Variants in COL13A1 observed in about 807,000 individuals in gnomAD.
COL13A1 encodes collagen type XIII alpha 1 chain, also known as collagen alpha-1(XIII) chain.
COL13A1 carries 89 observed loss-of-function variants against 130.9 expected under a neutral mutation model. The observed-to-expected ratio is 0.68, with a 90% CI of 0.57 to 0.81. The LOEUF (loss-of-function observed/expected upper bound fraction) is 0.81. COL13A1 is among the 30% of genes least tolerant of loss of function. The probability of loss-of-function intolerance (pLI) is 0.00; values close to 1 mark genes in which losing one functional copy is unlikely to be tolerated. For missense variants in COL13A1, 879 were observed against 934.6 expected (o/e 0.94, Z 0.78); for synonymous variants, 402 against 341.6 (o/e 1.18, Z -1.95).
chr10:69,825,767 C>T (rs1408088086), intron 2 of COL13A1, among the ~76,000 whole-genome samples: 5 of 152,230 alleles, frequency 3.3e-5, no homozygotes. Flanking sequence ...GCCTGGGACA[C>T]ATAATCATGG....
At chr10:69,852,476 G>A (rs1168129279) in intron 2 of COL13A1, among the ~76,000 whole-genome samples, 1 of 152,258 alleles carries the variant, frequency 6.6e-6, no homozygotes, top group Non-Finnish European at 1.5e-5. Flanking sequence ...AGGTGGACTT[G>A]CCCAAGCTCG....
chr10:69,825,592 G>A (rs182561730), intron 2 of COL13A1, among the ~76,000 whole-genome samples: 50 of 152,238 alleles, frequency 3.3e-4, no homozygotes, highest in African/African-American at 1.1e-3. Context: ...TACTGCTATT[G>A]GGACAAAACA....
intron 4 of COL13A1, 67 bp downstream of exon 4, chr10:69,872,277 G>A (rs752248550): frequency 3.2e-6 from 5 of 1,586,712 alleles, no homozygotes; most frequent in Non-Finnish European, 4.3e-6. Flanking sequence ...CTGAGGACTG[G>A]CTAGGTTGGG....
intron 3 of COL13A1, among the ~76,000 whole-genome samples, chr10:69,868,780 C>T (rs1338533838): frequency 1.3e-5 from 2 of 152,320 alleles, no homozygotes; most frequent in South Asian, 2.1e-4. Context: ...ACTGAGGATC[C>T]CATGGCCCCT....
rs1460758591 is a variant in COL13A1, at chr10:69,841,731, T to G, written c.364+19293T>G. Among the ~76,000 whole-genome samples, 4 of 152,210 alleles carry G rather than the reference T, an allele frequency of 2.6e-5. No homozygotes were observed. In the East Asian group the frequency reaches 7.7e-4, roughly 29 times the overall value. On this transcript the variant is annotated intron_variant, in intron 2 of 40. Transcript: ENST00000645393. ...CTAGAAAAAAAATCCTCAAGCGTCCTTGAGCAGAGAGATCTGGCAAGGGAG... is the reference window on the plus strand; with the variant it reads ...CTAGAAAAAAAATCCTCAAGCGTCCGTGAGCAGAGAGATCTGGCAAGGGAG...
At chr10:69,871,352 C>T (rs914572705) in intron 3 of COL13A1, among the ~76,000 whole-genome samples, 3 of 152,256 alleles carry the variant, frequency 2.0e-5, no homozygotes, top group South Asian at 4.1e-4. Context: ...ACTGGGGACA[C>T]ATTCGTGAAT....
chr10:69,839,405 G>A (rs79828807), intron 2 of COL13A1, among the ~76,000 whole-genome samples: 2 of 110,362 alleles, frequency 1.8e-5, no homozygotes, highest in African/African-American at 6.8e-5. Flanking sequence ...TTCCCCCCAC[G>A]GCCCACTTTA....
At chr10:69,949,575 C>G (rs1400530944) in intron 38 of COL13A1, among the ~76,000 whole-genome samples, 2 of 152,166 alleles carry the variant, frequency 1.3e-5, no homozygotes, top group Non-Finnish European at 2.9e-5. Context: ...AGCCTCTTTC[C>G]TGTTCATGGA....
At chr10:69,818,860 T>A (rs543099742) in intron 1 of COL13A1, among the ~76,000 whole-genome samples, 1 of 152,290 alleles carries the variant, frequency 6.6e-6, no homozygotes, top group Admixed American at 6.5e-5. Flanking sequence ...GTCTACTAAT[T>A]CCAGTGCTAA....
intron 2 of COL13A1, among the ~76,000 whole-genome samples, chr10:69,843,894 G>A (rs550400545): frequency 1.8e-4 from 28 of 152,314 alleles, no homozygotes; most frequent in African/African-American, 5.3e-4. Context: ...TTATCAATAC[G>A]AAGGTGTTGA....
intron 2 of COL13A1, among the ~76,000 whole-genome samples, chr10:69,823,137 T>C (rs1263066172): frequency 1.3e-5 from 2 of 152,264 alleles, no homozygotes; most frequent in Admixed American, 1.3e-4. Flanking sequence ...CAACTGTGTC[T>C]ATTCACCTGT....
intron 10 of COL13A1, among the ~76,000 whole-genome samples, chr10:69,894,322 G>A (rs570728102): frequency 2.0e-4 from 30 of 152,354 alleles, no homozygotes; most frequent in African/African-American, 6.5e-4. Context: ...TGGAGGAATG[G>A]ATGAAAGATG....
intron 2 of COL13A1, among the ~76,000 whole-genome samples, chr10:69,842,016 C>T (rs759932780): frequency 6.6e-6 from 1 of 152,196 alleles, no homozygotes; most frequent in Non-Finnish European, 1.5e-5. Context: ...CATGACCTAA[C>T]CAGACTGGTA....
At chr10:69,944,661 TA>T (rs111975487) in intron 36 of COL13A1, among the ~76,000 whole-genome samples, 3,681 of 82,186 alleles carry the variant, frequency 0.045, 85 homozygotes, top group South Asian at 0.15. Context: ...CTTATCTCTA[TA>T]AAAAAAAAAA....
chr10:69,917,164 T>G (rs945478540), intron 17 of COL13A1, 125 bp from the exon 18 acceptor site: 1 of 1,209,770 alleles, frequency 8.3e-7, no homozygotes, highest in Non-Finnish European at 1.2e-6. Flanking sequence ...GGCAGGGTCC[T>G]CAGAGCTCAA....
intron 1 of COL13A1, among the ~76,000 whole-genome samples, chr10:69,811,869 C>T (rs1218125359): frequency 2.0e-5 from 3 of 152,114 alleles, no homozygotes; most frequent in South Asian, 4.1e-4. Context: ...ATCCACCCCT[C>T]ACCAGCATCC....
intron 36 of COL13A1, 113 bp from the exon 37 acceptor site, chr10:69,945,558 G>A (rs2068376109): frequency 2.8e-6 from 4 of 1,433,010 alleles, no homozygotes; most frequent in South Asian, 1.3e-5. Flanking sequence ...GCTTCCCGGA[G>A]GGCTCTTGAG....
intron 2 of COL13A1, among the ~76,000 whole-genome samples, chr10:69,857,583 T>G (rs1222566794): frequency 6.6e-6 from 1 of 152,174 alleles, no homozygotes; most frequent in Non-Finnish European, 1.5e-5. Context: ...GCACACTCCT[T>G]ATGGGCCAAG....
intron 39 of COL13A1, chr10:69,954,887 C>T (rs34209097): frequency 0.046 from 7,059 of 152,434 alleles, 217 homozygotes; most frequent in Middle Eastern, 0.12. Flanking sequence ...ACGTCCCAGG[C>T]GAAGTGGTAG....
Sources: allele counts gnomAD v4.1 joint callset (sites outside exome capture counted in the v4.1 genomes callset), GRCh38; gene constraint gnomAD v4.1.1; transcripts MANE v1.5; gene names NCBI Gene and HGNC (gene_info 2026-07-23, HGNC 2026-07-21).